The following G3BP2 variants were observed in gnomAD, a reference collection of about 807,000 sequenced individuals.
G3BP2 encodes the protein G3BP stress granule assembly factor 2, also known as ras GTPase-activating protein-binding protein 2.
G3BP2 carries 11 observed loss-of-function variants against 56.7 expected under a neutral mutation model. The ratio of observed to expected loss-of-function variants is 0.19; its 90% CI spans 0.12 to 0.32. The LOEUF is 0.32. Among genes scored for constraint, G3BP2 ranks in the 10% least tolerant of loss-of-function variants. G3BP2 has a pLI of 1.00. For missense variants in G3BP2, 340 were observed against 610.9 expected, an observed-to-expected ratio of 0.56 and a Z score of 4.67; for synonymous variants, 165 against 191.6, an observed-to-expected ratio of 0.86 and a Z score of 1.15.
chr4:75,668,811 T>C (rs3796473), intron 1 of G3BP2, among the ~76,000 whole-genome samples: 133,385 of 152,230 alleles, frequency 0.88, 58,456 homozygotes, highest in East Asian at 0.92. Flanking sequence ...TTTCTACTCC[T>C]ACTGAATTCC....
rs559584425 is a variant in G3BP2, at chr4:75,695,679, C to T, written c.-25+25198G>A. Among the ~76,000 whole-genome samples, 13 of 152,106 alleles carry T rather than the reference C, an allele frequency of 8.5e-5. No homozygotes were observed. The East Asian group carries it at 2.5e-3, about 29-fold the overall frequency. On this transcript the variant is annotated intron_variant, in intron 3 of 3. Coordinates refer to the G3BP2 transcript ENST00000499709. The stretch of plus-strand genomic sequence containing the variant: ...GCAGTCAAAGACGCATACACAAAAG[C>T]CCAAAACACCTGAGGCCAGGCATGG...
At chr4:75,669,438 G>C (rs1188458569) in intron 1 of G3BP2, among the ~76,000 whole-genome samples, 1 of 152,074 alleles carries the variant, frequency 6.6e-6, no homozygotes, top group South Asian at 2.1e-4. Flanking sequence ...CACTCCCACT[G>C]TTCAGACCTT....
At chr4:75,647,182 C>A in intron 9 of G3BP2, 25 bp from the exon 10 acceptor site, 1 of 1,486,400 alleles carries the variant, frequency 6.7e-7, no homozygotes, top group Non-Finnish European at 9.1e-7. Flanking sequence ...AGAGCAGATA[C>A]TAAAGTTTAC....
intron 9 of G3BP2, 104 bp from the exon 10 acceptor site, chr4:75,647,261 TTAA>T (rs1359785634): frequency 2.7e-6 from 2 of 740,034 alleles, no homozygotes; most frequent in African/African-American, 3.6e-5. Context: ...CTGTTTTAGT[TTAA>T]TAAGACTAGG....
intron 3 of G3BP2, among the ~76,000 whole-genome samples, chr4:75,714,942 A>G (rs1719880813): frequency 6.6e-6 from 1 of 152,124 alleles, no homozygotes; most frequent in Admixed American, 6.6e-5. Context: ...CCTACCTCCT[A>G]ATTTATTCAA....
chr4:75,711,395 T>C (rs1302018551), intron 3 of G3BP2, among the ~76,000 whole-genome samples: 2 of 150,354 alleles, frequency 1.3e-5, no homozygotes, highest in African/African-American at 2.4e-5. Context: ...ACCTACCATA[T>C]AGTGTGAGGA....
intron 3 of G3BP2, among the ~76,000 whole-genome samples, chr4:75,684,286 T>C (rs1221769109): frequency 6.6e-6 from 1 of 151,918 alleles, no homozygotes; most frequent in Non-Finnish European, 1.5e-5. Flanking sequence ...GTGCCTGTAG[T>C]CCCAGCTACT....
In G3BP2 at chr4:75,662,166, G is replaced by A. The variant is rs181847073; in HGVS notation, c.-24-117C>T. 105 of 604,324 alleles carry A rather than the reference G, an allele frequency of 1.7e-4. 1 individual carries two copies. The East Asian group carries it at 2.3e-3, about 13-fold the overall frequency. 37.4% of individuals were successfully genotyped at this position (604,324 alleles called of 1,614,324 possible). On this transcript the variant is annotated intron_variant, in intron 1 of 11. Transcript: ENST00000359707. ...TGGGGAGTTGTATACCAATTTTAGT[G>A]ACACTAATGTTAATAAGTTCTGATA... is the stretch of plus-strand genomic sequence containing the variant.
intron 7 of G3BP2, 86 bp from the exon 8 acceptor site, chr4:75,654,167 T>C (rs556529661): frequency 2.9e-5 from 20 of 698,248 alleles, no homozygotes; most frequent in East Asian, 8.1e-5. Context: ...TATATTTTCT[T>C]TTCATTTCTA....
intron 3 of G3BP2, among the ~76,000 whole-genome samples, chr4:75,720,005 T>TG (rs1002413329): frequency 7.6e-5 from 9 of 117,714 alleles, no homozygotes; most frequent in East Asian, 2.7e-4. Context: ...TGGAGCAGGA[T>TG]GGGGGGGCCC....
intron 3 of G3BP2, chr4:75,694,793 C>T (rs1218317292): frequency 1.0e-6 from 1 of 985,760 alleles, no homozygotes; most frequent in Non-Finnish European, 1.2e-6. Flanking sequence ...GTCTTTATAC[C>T]TTACCAAGTT....
At position 75,645,356 on chromosome 4, in the gene G3BP2, C is replaced by CA. The variant is rs375482927; in HGVS notation, c.*73dup. 2.8e-3 allele frequency: 3,539 copies of CA among 1,275,118 alleles called. No individual in the cohort carries two copies. Among genetic ancestry groups the CA allele is most frequent in the Non-Finnish European group, 3.1e-3 (2,919 of 937,984 alleles). The allele number at this position is 1,275,118 out of a possible 1,614,324, so 79.0% of individuals were successfully genotyped here. ...AAAAGGCTGTGTCACATTCCAAAGCCAAAAAAAAAATTAACAAGAATGCAA... is the reference window on the plus strand; with the variant it reads ...AAAAGGCTGTGTCACATTCCAAAGCCAAAAAAAAAAATTAACAAGAATGCAA... On this transcript the variant is annotated 3_prime_UTR_variant, in exon 12 of 12. Transcript: ENST00000359707.
At chr4:75,697,017 C>G (rs1719144831) in intron 3 of G3BP2, among the ~76,000 whole-genome samples, 1 of 152,086 alleles carries the variant, frequency 6.6e-6, no homozygotes, top group Non-Finnish European at 1.5e-5. Flanking sequence ...TGGCTCATGC[C>G]TATAATCCCA....
rs1731032213 is a variant in G3BP2 at position 75,643,712 on chromosome 4, T to C, written c.*1718A>G. 6.6e-6 allele frequency: 1 copy of C among 152,656 alleles called. No individual in the cohort carries two copies. Among genetic ancestry groups the C allele is most frequent in the South Asian group, 2.1e-4 (1 of 4,832 alleles). The allele number at this position is 152,656 out of a possible 1,614,324, so 9.5% of individuals were successfully genotyped here. ...ATAATTCAGAACCAATTTGCTACTA[T>C]GTCAAGTGCATATCTTGTCTGTTTT... On this transcript the variant is annotated 3_prime_UTR_variant, in exon 12 of 12. Transcript: ENST00000359707.
At chr4:75,708,344 T>C (rs1719630767) in intron 3 of G3BP2, among the ~76,000 whole-genome samples, 1 of 152,196 alleles carries the variant, frequency 6.6e-6, no homozygotes, top group South Asian at 2.1e-4. Flanking sequence ...GGGCCCAGTA[T>C]GCATGAATAG....
chr4:75,673,522 C>T (rs964924417), upstream of G3BP2: 1 of 1,232,146 alleles, frequency 8.1e-7, no homozygotes, highest in Admixed American at 4.2e-5. Flanking sequence ...GAGCCGGACC[C>T]AACCTTCCCG....
chr4:75,664,209 A>G (rs1732806792), intron 1 of G3BP2, among the ~76,000 whole-genome samples: 1 of 151,808 alleles, frequency 6.6e-6, no homozygotes, highest in Admixed American at 6.6e-5. Context: ...AAGACCTATT[A>G]AACTTAAAAG....
At chr4:75,708,657 C>T (rs983779157) in intron 3 of G3BP2, among the ~76,000 whole-genome samples, 4 of 152,198 alleles carry the variant, frequency 2.6e-5, no homozygotes, top group Non-Finnish European at 5.9e-5. Context: ...AACCTCTCCA[C>T]TGGGATCTTC....
At chr4:75,655,971 G>T in intron 5 of G3BP2, 101 bp from the exon 6 acceptor site, 9 of 585,336 alleles carry the variant, frequency 1.5e-5, no homozygotes, top group South Asian at 2.1e-5. Flanking sequence ...TAGCAAAAAA[G>T]AAAATTTGAC....
Sources: allele counts gnomAD v4.1 joint callset (sites outside exome capture counted in the v4.1 genomes callset), GRCh38; gene constraint gnomAD v4.1.1; transcripts MANE v1.5; gene names NCBI Gene and HGNC (gene_info 2026-07-23, HGNC 2026-07-21).